The following PDE9A variants were observed in gnomAD, a reference collection of about 807,000 sequenced individuals.
The protein encoded by PDE9A is high affinity cGMP-specific 3',5'-cyclic phosphodiesterase 9A.
A neutral mutation model predicts 87.4 loss-of-function variants in PDE9A; 60 were observed. The ratio of observed to expected loss-of-function variants is 0.69; its 90% CI spans 0.56 to 0.85. The LOEUF (loss-of-function observed/expected upper bound fraction) is 0.85, where lower values mean the gene tolerates loss of function less well. Among genes scored for constraint, PDE9A ranks in the 40% least tolerant of loss-of-function variants. The probability of loss-of-function intolerance (pLI) is 0.00; values close to 1 mark genes in which losing one functional copy is unlikely to be tolerated. For missense variants in PDE9A, 665 were observed against 779.0 expected, an observed-to-expected ratio of 0.85 and a Z score of 1.74; for synonymous variants, 272 against 279.4, an observed-to-expected ratio of 0.97 and a Z score of 0.27.
At chr21:42,735,027 C>T (rs955638848) in intron 7 of PDE9A, among the ~76,000 whole-genome samples, 15 of 152,222 alleles carry the variant, frequency 9.9e-5, no homozygotes, top group African/African-American at 3.1e-4. Flanking sequence ...AGAAACTGAT[C>T]GTGGCTGCTT....
rs760882199 is a variant in PDE9A at position 42,770,670 on chromosome 21, G to A, written c.1591-33G>A. The A allele has an allele frequency of 7.8e-6, 12 of 1,539,464 alleles. No individual in the cohort carries two copies. In the South Asian group the frequency reaches 1.2e-4, roughly 16 times the overall value. ...ACGTTTCCCATTGCCTTAAGAACGAGGGACTCTGAATAAATCCGTGTGTCT... is the reference window on the plus strand; with the variant it reads ...ACGTTTCCCATTGCCTTAAGAACGAAGGACTCTGAATAAATCCGTGTGTCT... On this transcript the variant is annotated intron_variant, in intron 17 of 19. Coordinates refer to ENST00000291539, the MANE Select transcript of PDE9A (RefSeq NM_002606.3).
chr21:42,689,490 C>T (rs2059669300), intron 3 of PDE9A: 1 of 973,506 alleles, frequency 1.0e-6, no homozygotes, highest in South Asian at 4.8e-5. Flanking sequence ...ACCTGTCCTC[C>T]TGACACCCAC....
At chr21:42,700,166 A>C (rs554922995) in intron 4 of PDE9A, among the ~76,000 whole-genome samples, 2 of 152,192 alleles carry the variant, frequency 1.3e-5, no homozygotes, top group East Asian at 3.9e-4. Flanking sequence ...AGATCCATCC[A>C]TGTGCTGTGT....
chr21:42,723,448 G>A lies in PDE9A; in HGVS notation c.263-8322G>A, dbSNP rs1296765376. On this transcript the variant is annotated intron_variant, in intron 4 of 19. Transcript: ENST00000291539. The surrounding 1 kb of genome is among the most constrained non-coding windows in gnomAD (Gnocchi z 4.3). ...GTGTGTGCAGATGAGAAGCAGCCAG[G>A]AGTTGAGGCTGAAGAGGAGCCTACC... Among the ~76,000 whole-genome samples, 1 of 152,218 alleles carries A rather than the reference G, an allele frequency of 6.6e-6. No homozygotes were observed. The highest frequency in any genetic ancestry group is 1.5e-5 in the Non-Finnish European group (1 of 68,036).
chr21:42,753,931 G>A, intron 9 of PDE9A, 59 bp from the exon 10 acceptor site: 1 of 821,906 alleles, frequency 1.2e-6, no homozygotes, highest in Non-Finnish European at 2.1e-6. Flanking sequence ...ATCTCAGCAT[G>A]CACATCACTG....
chr21:42,769,158 G>A lies in PDE9A; in HGVS notation c.1590+3G>A, dbSNP rs1469260490. ...CAATGTTTGAAACAGTGACCAAGGT[G>A]AGTAACTGTCACCACATGTCACACT... On this transcript the variant is annotated splice_donor_region_variant and intron_variant, in intron 17 of 19. Coordinates refer to ENST00000291539, the MANE Select transcript of PDE9A (RefSeq NM_002606.3). The A allele has an allele frequency of 6.2e-7, 1 of 1,612,022 alleles. No homozygotes were observed. Among genetic ancestry groups the A allele is most frequent in the African/African-American group, 1.3e-5 (1 of 74,866 alleles).
intron 4 of PDE9A, among the ~76,000 whole-genome samples, chr21:42,716,632 G>T (rs2049940284): frequency 6.6e-6 from 1 of 151,024 alleles, no homozygotes. Flanking sequence ...AAAAAATAAG[G>T]ACACTGCAGC....
intron 4 of PDE9A, among the ~76,000 whole-genome samples, chr21:42,725,880 G>T (rs569105068): frequency 3.9e-5 from 6 of 152,122 alleles, no homozygotes; most frequent in African/African-American, 9.7e-5. Flanking sequence ...TCTTTAGTTG[G>T]TTTTTTCTGT....
chr21:42,760,830 G>A lies in PDE9A; in HGVS notation c.1008G>A (p.Lys336=), dbSNP rs1053902023. Residue 336 remains lysine (K), a synonymous_variant, in exon 13 of 20, where the codon AAG becomes AAA. Transcript: ENST00000291539. The surrounding 1 kb of genome is among the most constrained non-coding windows in gnomAD (Gnocchi z 5.2). ...CGCCCTGTTTTCCAATCCAGGAGAA[G>A]TTCTCACAAACGGATATCCTGATCC... ...SMVWLCSLQE[K]FSQTDILILM... is the part of the protein sequence containing the mutation. 2 of 1,604,740 alleles carry A rather than the reference G, an allele frequency of 1.2e-6. No homozygotes were observed. Among genetic ancestry groups the A allele is most frequent in the African/African-American group, 2.7e-5 (2 of 74,702 alleles).
intron 4 of PDE9A, among the ~76,000 whole-genome samples, chr21:42,717,082 G>C (rs1006229198): frequency 4.0e-5 from 6 of 151,214 alleles, no homozygotes; most frequent in Admixed American, 4.0e-4. Flanking sequence ...TAAACAGCTA[G>C]TTGTTTTCTG....
intron 1 of PDE9A, among the ~76,000 whole-genome samples, chr21:42,654,636 C>A (rs1254978606): frequency 6.6e-6 from 1 of 152,170 alleles, no homozygotes; most frequent in Non-Finnish European, 1.5e-5. Context: ...TTCAGGAAGC[C>A]CTTGCAGCTG....
intron 4 of PDE9A, among the ~76,000 whole-genome samples, chr21:42,718,824 A>C (rs1320507360): frequency 6.6e-6 from 1 of 151,704 alleles, no homozygotes; most frequent in Admixed American, 6.6e-5. Flanking sequence ...ATTTCTTTGC[A>C]TGTCTATTTT....
rs150706970 is a variant in PDE9A, at chr21:42,730,078, G to A, written c.263-1692G>A. 2.0e-3 allele frequency among the ~76,000 whole-genome samples: 300 copies of A among 152,252 alleles called. 3 individuals are homozygous for A. The highest frequency in any genetic ancestry group is 7.1e-3 in the African/African-American group (296 of 41,528). ...TTTACTCTCAAAGGTTATGTGATAC[G>A]CTACCTTTTCCAGACAATTCCTAAG... On this transcript the variant is annotated intron_variant, in intron 4 of 19. Coordinates refer to ENST00000291539, the MANE Select transcript of PDE9A (RefSeq NM_002606.3).
chr21:42,727,390 C>T (rs553825915), intron 4 of PDE9A, among the ~76,000 whole-genome samples: 172 of 151,718 alleles, frequency 1.1e-3, no homozygotes, highest in Admixed American at 2.3e-3. Flanking sequence ...GTGGCATGAT[C>T]GTGGCTCACT....
chr21:42,654,872 G>A (rs563970208), intron 1 of PDE9A, among the ~76,000 whole-genome samples: 1 of 152,204 alleles, frequency 6.6e-6, no homozygotes, highest in Non-Finnish European at 1.5e-5. Flanking sequence ...AGCCCGCTTT[G>A]AGAGACTCAG....
At chr21:42,756,178 G>T (rs538122554) in intron 10 of PDE9A, among the ~76,000 whole-genome samples, 1 of 152,344 alleles carries the variant, frequency 6.6e-6, no homozygotes, top group African/African-American at 2.4e-5. Flanking sequence ...CCAGGAGACC[G>T]ATGAGGGTTC....
chr21:42,711,861 T>C (rs1184235750), intron 4 of PDE9A, among the ~76,000 whole-genome samples: 1 of 152,188 alleles, frequency 6.6e-6, no homozygotes, highest in African/African-American at 2.4e-5. Context: ...TGAAAGTTAA[T>C]GGTATCTCTG....
intron 8 of PDE9A, among the ~76,000 whole-genome samples, chr21:42,746,829 G>A (rs923633678): frequency 3.3e-5 from 5 of 152,200 alleles, no homozygotes; most frequent in African/African-American, 7.2e-5. Flanking sequence ...AGGCGCATCC[G>A]CACTTCCCCC....
At chr21:42,693,930 G>A (rs1188696409) in intron 3 of PDE9A, among the ~76,000 whole-genome samples, 2 of 151,842 alleles carry the variant, frequency 1.3e-5, no homozygotes, top group African/African-American at 4.8e-5. Flanking sequence ...TTGATGCCCA[G>A]ACCCCTCAAT....
Sources: allele counts gnomAD v4.1 joint callset (sites outside exome capture counted in the v4.1 genomes callset), GRCh38; gene constraint gnomAD v4.1.1; non-coding constraint Gnocchi (gnomAD v3.1); transcripts MANE v1.5; gene names NCBI Gene and HGNC (gene_info 2026-07-23, HGNC 2026-07-21).